The following NKAIN2 variants were observed in gnomAD, a reference collection of about 807,000 sequenced individuals.
The protein encoded by NKAIN2 is sodium/potassium transporting ATPase interacting 2.
A neutral mutation model predicts 32.6 loss-of-function variants in NKAIN2; 14 were observed. The ratio of observed to expected loss-of-function variants is 0.43; its 90% CI spans 0.28 to 0.67. NKAIN2 has a LOEUF of 0.67. Among genes scored for constraint, NKAIN2 ranks in the 30% least tolerant of loss-of-function variants. The pLI, the probability that NKAIN2 is intolerant of heterozygous loss-of-function variation, is 0.17. For synonymous variants in NKAIN2, 80 were observed against 87.2 expected, an observed-to-expected ratio of 0.92 and a Z score of 0.46; for missense variants, 198 against 258.3, an observed-to-expected ratio of 0.77 and a Z score of 1.60.
rs1168575935 is a variant in NKAIN2, at chr6:124,114,920, TTA to T, written c.55-168084_55-168083del. On this transcript the variant is annotated intron_variant, in intron 1 of 6. Transcript: ENST00000368417. The stretch of plus-strand genomic sequence containing the variant: ...AATGATGATTGAGACAGTGGCTCTA[TTA>T]GGCTGAAGGACAAGATCACAGGAAG... 1.6e-3 allele frequency among the ~76,000 whole-genome samples: 251 copies of T among 152,230 alleles called. 1 individual carries two copies. Among genetic ancestry groups the T allele is most frequent in the African/African-American group, 5.8e-3 (241 of 41,562 alleles).
In NKAIN2 at chr6:124,279,357, A is replaced by G. The variant is rs537350446; in HGVS notation, c.55-3648A>G. Reference sequence around the variant, plus strand: ...CCCGTCTCTACTAAAAAGACAAAAAATTAGCCAGGTGTGGTGGCGGGCACC... The same window carrying G: ...CCCGTCTCTACTAAAAAGACAAAAAGTTAGCCAGGTGTGGTGGCGGGCACC... On this transcript the variant is annotated intron_variant, in intron 1 of 6. Transcript: ENST00000368417. Among the ~76,000 whole-genome samples, 13 of 152,086 alleles carry G rather than the reference A, an allele frequency of 8.5e-5. No homozygotes were observed. In the South Asian group the frequency reaches 2.5e-3, roughly 29 times the overall value.
chr6:123,808,597 G>A (rs898059403), intron 1 of NKAIN2, among the ~76,000 whole-genome samples: 1 of 152,118 alleles, frequency 6.6e-6, no homozygotes, highest in African/African-American at 2.4e-5. Flanking sequence ...AGCAGGTAGC[G>A]ACTTATTTTC....
At chr6:124,681,124 G>A (rs1773601166) in intron 4 of NKAIN2, among the ~76,000 whole-genome samples, 1 of 151,830 alleles carries the variant, frequency 6.6e-6, no homozygotes, top group African/African-American at 2.4e-5. Flanking sequence ...TCCTTCCAGG[G>A]TTAGGACGAT....
At chr6:124,560,052 A>C (rs960177717) in intron 3 of NKAIN2, among the ~76,000 whole-genome samples, 1 of 152,004 alleles carries the variant, frequency 6.6e-6, no homozygotes, top group Non-Finnish European at 1.5e-5. Context: ...ATGTGGCATT[A>C]TGTTTTTGAG....
At chr6:123,981,025 A>G (rs1048950251) in intron 1 of NKAIN2, among the ~76,000 whole-genome samples, 1 of 151,932 alleles carries the variant, frequency 6.6e-6, no homozygotes, top group South Asian at 2.1e-4. Context: ...ACGCACCACC[A>G]TGCCCGGCTA....
intron 1 of NKAIN2, among the ~76,000 whole-genome samples, chr6:124,217,791 A>G (rs1036920146): frequency 2.0e-5 from 3 of 151,764 alleles, no homozygotes; most frequent in Admixed American, 6.6e-5. Context: ...ATATGTACAC[A>G]CACACACATA....
chr6:123,807,014 G>A (rs1037990393), intron 1 of NKAIN2, among the ~76,000 whole-genome samples: 29 of 152,030 alleles, frequency 1.9e-4, no homozygotes, highest in African/African-American at 6.5e-4. Context: ...CAGACACGGT[G>A]TTTTGACCAT....
rs146492573 is a variant in NKAIN2 at position 124,230,121 on chromosome 6, C to T, written c.55-52884C>T. 5.9e-5 allele frequency among the ~76,000 whole-genome samples: 9 copies of T among 152,182 alleles called. No homozygotes were observed. The East Asian group carries it at 1.4e-3, about 23-fold the overall frequency. On this transcript the variant is annotated intron_variant, in intron 1 of 6. Coordinates refer to ENST00000368417, the MANE Select transcript of NKAIN2 (RefSeq NM_001040214.3). ...TCAATGAAATACAGTCTGAGATGAT[C>T]TCAGATGGAGATGGGGAAACTTGTT...
chr6:124,418,158 C>CTGTGTG (rs144452856), intron 3 of NKAIN2, among the ~76,000 whole-genome samples: 2 of 149,544 alleles, frequency 1.3e-5, no homozygotes, highest in Non-Finnish European at 3.0e-5. Context: ...CCTGTGTGGA[C>CTGTGTG]TGTGTGTGTG....
At chr6:124,084,603 T>C (rs1191983475) in intron 1 of NKAIN2, among the ~76,000 whole-genome samples, 1 of 151,992 alleles carries the variant, frequency 6.6e-6, no homozygotes, top group African/African-American at 2.4e-5. Flanking sequence ...GCCTGATACT[T>C]TTCCAAAGTG....
At chr6:124,554,209 T>TA (rs1183566345) in intron 3 of NKAIN2, among the ~76,000 whole-genome samples, 2 of 152,206 alleles carry the variant, frequency 1.3e-5, no homozygotes, top group African/African-American at 4.8e-5. Flanking sequence ...TTCCTGGAGG[T>TA]ACGTTTCACA....
At chr6:123,986,035 C>A (rs547802828) in intron 1 of NKAIN2, among the ~76,000 whole-genome samples, 1 of 152,216 alleles carries the variant, frequency 6.6e-6, no homozygotes, top group East Asian at 1.9e-4. Context: ...TTATAAATTT[C>A]TCTTTTTGTT....
chr6:124,771,927 T>C (rs1269327805), intron 4 of NKAIN2, among the ~76,000 whole-genome samples: 6 of 152,162 alleles, frequency 3.9e-5, no homozygotes, highest in African/African-American at 1.4e-4. Context: ...CTAGAGAGAA[T>C]GGCATTTATG....
intron 1 of NKAIN2, among the ~76,000 whole-genome samples, chr6:124,198,249 A>G (rs865819655): frequency 2.6e-5 from 4 of 151,908 alleles, no homozygotes; most frequent in African/African-American, 9.7e-5. Flanking sequence ...TGCTATACCT[A>G]TAGGAGAACT....
rs1236997543 is a variant in NKAIN2 at position 124,712,472 on chromosome 6, T to C, written c.474+54086T>C. Among the ~76,000 whole-genome samples the C allele has an allele frequency of 1.7e-5, 2 of 114,958 alleles. 1 individual carries two copies. The highest frequency in any genetic ancestry group is 3.7e-5 in the Non-Finnish European group (2 of 54,408). 75.4% of individuals were successfully genotyped at this position (114,958 alleles called of 152,430 possible). ...CTGCTGTGCTAGCAATCAGCGAGACTCCGTGGGCGTAGGACCCTCCAAGCC... is the reference window on the plus strand; with the variant it reads ...CTGCTGTGCTAGCAATCAGCGAGACCCCGTGGGCGTAGGACCCTCCAAGCC... On this transcript the variant is annotated intron_variant, in intron 4 of 6. Coordinates refer to ENST00000368417, the MANE Select transcript of NKAIN2 (RefSeq NM_001040214.3).
intron 1 of NKAIN2, among the ~76,000 whole-genome samples, chr6:123,863,489 A>T (rs1287146851): frequency 6.6e-6 from 1 of 152,222 alleles, no homozygotes; most frequent in Admixed American, 6.5e-5. Context: ...AGAGGGATGA[A>T]ATAGTCTTCT....
chr6:124,322,747 A>G (rs1045298688), intron 2 of NKAIN2, among the ~76,000 whole-genome samples: 1 of 152,192 alleles, frequency 6.6e-6, no homozygotes, highest in African/African-American at 2.4e-5. Context: ...TTGTGTGAGC[A>G]TAGTTCCTAT....
intron 1 of NKAIN2, among the ~76,000 whole-genome samples, chr6:124,058,204 G>T (rs73561094): frequency 1.6e-4 from 21 of 132,192 alleles, no homozygotes; most frequent in South Asian, 2.4e-4. Flanking sequence ...TTTAAGTTTT[G>T]TTTTTTTTTT....
intron 3 of NKAIN2, among the ~76,000 whole-genome samples, chr6:124,391,657 T>G (rs1177585159): frequency 6.6e-6 from 1 of 152,108 alleles, no homozygotes; most frequent in Non-Finnish European, 1.5e-5. Context: ...TTAAATATAA[T>G]TTTTCAAGTT....
Sources: gnomAD v4.1 joint callset for allele counts (sites outside exome capture counted in the v4.1 genomes callset) on GRCh38, gnomAD v4.1.1 for gene constraint, MANE v1.5 for transcripts, NCBI Gene and HGNC (gene_info 2026-07-23, HGNC 2026-07-21) for gene names.